Variants in NRXN2 observed in about 807,000 individuals in gnomAD.
NRXN2 encodes neurexin-2-beta.
NRXN2 carries 29 observed loss-of-function variants against 128.8 expected under a neutral mutation model. The ratio of observed to expected loss-of-function variants is 0.23; its 90% CI spans 0.17 to 0.31. The LOEUF (loss-of-function observed/expected upper bound fraction) is 0.31. Ranked by LOEUF, NRXN2 falls within the 10% of genes least tolerant of loss-of-function variation. The probability of loss-of-function intolerance (pLI) is 1.00; values close to 1 mark genes in which losing one functional copy is unlikely to be tolerated. For synonymous variants in NRXN2, 1,098 were observed against 1,075.2 expected (o/e 1.02, Z -0.41); for missense variants, 1,881 against 2,452.6 (o/e 0.77, Z 4.92).
Position 64,606,963 on chromosome 11 carries a change from G to A in NRXN2, c.*233C>T, listed in dbSNP as rs913214239. 9 of 565,652 alleles carry A rather than the reference G, an allele frequency of 1.6e-5. No homozygotes were observed. The highest frequency in any genetic ancestry group is 6.1e-5 in the Admixed American group (2 of 32,802). The allele number at this position is 565,652 out of a possible 1,614,324, so 35.0% of individuals were successfully genotyped here. On this transcript the variant is annotated 3_prime_UTR_variant, in exon 23 of 23. Coordinates refer to ENST00000265459, the MANE Select transcript of NRXN2 (RefSeq NM_015080.4). Reference sequence around the variant, plus strand: ...TGAGCACGTGCCCTGCCTGGCAGGCGCAGAGCTGAGAGGGACAGTCAGCCC... The same window carrying A: ...TGAGCACGTGCCCTGCCTGGCAGGCACAGAGCTGAGAGGGACAGTCAGCCC...
At chr11:64,669,253 A>G (rs1287827225) in intron 7 of NRXN2, among the ~76,000 whole-genome samples, 1 of 152,122 alleles carries the variant, frequency 6.6e-6, no homozygotes, top group African/African-American at 2.4e-5. Context: ...CTGCAGCCCA[A>G]TCTCCAGGTT....
Position 64,661,108 on chromosome 11 carries a change from C to T in NRXN2, c.1830G>A (p.Pro610=), listed in dbSNP as rs144192701. The change falls in exon 10 of 23, where the codon CCG becomes CCA. Residue 610 remains proline (P), a synonymous_variant. Transcript: ENST00000265459. The part of the protein sequence containing the change: ...GSISVNSRST[P]FLATGDSEIL... ...TCTCGCTGTCTCCAGTGGCCAAGAACGGCGTGCTGCGACTATTCACTGAGA... is the reference window on the plus strand; with the variant it reads ...TCTCGCTGTCTCCAGTGGCCAAGAATGGCGTGCTGCGACTATTCACTGAGA... 9.9e-4 allele frequency: 1,603 copies of T among 1,613,570 alleles called. 1 individual carries two copies. Among genetic ancestry groups the T allele is most frequent in the Non-Finnish European group, 1.1e-3 (1,333 of 1,180,014 alleles).
intron 17 of NRXN2, among the ~76,000 whole-genome samples, chr11:64,636,276 TCTC>T (rs1420057301): frequency 2.0e-5 from 3 of 151,738 alleles, no homozygotes; most frequent in African/African-American, 7.3e-5. Context: ...TCTCTCCCCT[TCTC>T]CTTCTCTTCT....
At chr11:64,716,795 G>A (rs1390922278) in intron 1 of NRXN2, among the ~76,000 whole-genome samples, 2 of 152,126 alleles carry the variant, frequency 1.3e-5, no homozygotes, top group African/African-American at 2.4e-5. Context: ...TCTCTCCCCC[G>A]GGATCCACAG....
chr11:64,703,821 TG>T, intron 2 of NRXN2, among the ~76,000 whole-genome samples: 1 of 152,338 alleles, frequency 6.6e-6, no homozygotes, highest in Non-Finnish European at 1.5e-5. Flanking sequence ...GAATAGTGCC[TG>T]GATTGTAAAG....
rs760459518 is a variant in NRXN2, at chr11:64,651,377, G to A, written c.2796C>T (p.Ala932=). 1 of 1,614,216 alleles carries A rather than the reference G, an allele frequency of 6.2e-7. No individual in the cohort carries two copies. The highest frequency in any genetic ancestry group is 8.5e-7 in the Non-Finnish European group (1 of 1,180,026). ...GCATGGAAGCATAGGCTTGGAGCGT[G>A]GCGAGTGCCAGGTAGCTGCTGCGAC... ...FKSRSSYLAL[A]TLQAYASMHL... is the part of the protein sequence containing the mutation. Residue 932 remains alanine, a synonymous_variant, in exon 14 of 23, where the codon GCC becomes GCT. Coordinates refer to ENST00000265459, the MANE Select transcript of NRXN2 (RefSeq NM_015080.4). The surrounding 1 kb of genome is among the most constrained non-coding windows in gnomAD (Gnocchi z 5.9).
At chr11:64,644,631 C>G (rs1156854655) in intron 17 of NRXN2, among the ~76,000 whole-genome samples, 4 of 151,952 alleles carry the variant, frequency 2.6e-5, no homozygotes, top group Non-Finnish European at 5.9e-5. Flanking sequence ...ATGCACCAAC[C>G]TGCTCGGACA....
At chr11:64,706,329 C>A (rs993444448) in intron 2 of NRXN2, among the ~76,000 whole-genome samples, 1 of 146,788 alleles carries the variant, frequency 6.8e-6, no homozygotes, top group Non-Finnish European at 1.5e-5. Context: ...CCACTCCCCC[C>A]ACCCCACAAC....
chr11:64,710,413 G>A (rs773393491), intron 2 of NRXN2, among the ~76,000 whole-genome samples: 9 of 152,020 alleles, frequency 5.9e-5, no homozygotes, highest in Non-Finnish European at 1.2e-4. Flanking sequence ...CACACAACCC[G>A]TATTCAGAAG....
intron 1 of NRXN2, among the ~76,000 whole-genome samples, chr11:64,715,920 C>T (rs1272985227): frequency 5.3e-5 from 8 of 152,300 alleles, no homozygotes; most frequent in Middle Eastern, 3.4e-3. Context: ...GCCTGATTGA[C>T]GCCCTCACCC....
intron 3 of NRXN2, among the ~76,000 whole-genome samples, chr11:64,697,053 G>A (rs1489300725): frequency 6.6e-6 from 1 of 152,118 alleles, no homozygotes; most frequent in East Asian, 1.9e-4. Context: ...TGGAGAGGGA[G>A]AAGAGGCCAA....
At chr11:64,621,610 G>GA (rs2042363278) in intron 21 of NRXN2, among the ~76,000 whole-genome samples, 2 of 152,276 alleles carry the variant, frequency 1.3e-5, no homozygotes, top group African/African-American at 4.8e-5. Flanking sequence ...CTCAGAGGGA[G>GA]AAGCTGAAGA....
At chr11:64,665,605 C>T (rs1223572293) in intron 9 of NRXN2, among the ~76,000 whole-genome samples, 2 of 152,126 alleles carry the variant, frequency 1.3e-5, no homozygotes, top group African/African-American at 2.4e-5. Context: ...GGCAACACTT[C>T]GAGGATGGAA....
rs1057271141 is a variant in NRXN2 at position 64,631,163 on chromosome 11, G to A, written c.3586-590C>T. On this transcript the variant is annotated intron_variant, in intron 18 of 22. Coordinates refer to ENST00000265459, the MANE Select transcript of NRXN2 (RefSeq NM_015080.4). This position sits in a 1 kb window ranked among gnomAD's most constrained non-coding sequence, Gnocchi z 4.8. ...AAGTAGGTCAGGCTCTGAGTGTGGG[G>A]GTGGACCCTCTGCAGCCATGGGGGT... is the stretch of plus-strand genomic sequence containing the variant. Among the ~76,000 whole-genome samples the A allele has an allele frequency of 7.9e-5, 12 of 152,180 alleles. No homozygotes were observed. Among genetic ancestry groups the A allele is most frequent in the African/African-American group, 2.7e-4 (11 of 41,436 alleles).
chr11:64,702,651 A>T (rs528408902), intron 2 of NRXN2, among the ~76,000 whole-genome samples: 1 of 151,884 alleles, frequency 6.6e-6, no homozygotes, highest in Non-Finnish European at 1.5e-5. Context: ...GTACCCAGGG[A>T]CACAAACACT....
chr11:64,635,363 G>A lies in NRXN2; in HGVS notation c.3493C>T (p.Leu1165=). 2 of 1,613,670 alleles carry A rather than the reference G, an allele frequency of 1.2e-6. No individual in the cohort carries two copies. The highest frequency in any genetic ancestry group is 1.7e-6 in the Non-Finnish European group (2 of 1,180,022). Residue 1165 remains leucine (L), a synonymous_variant, in exon 18 of 23, where the codon CTG becomes TTG. Transcript: ENST00000265459. This position sits in a 1 kb window ranked among gnomAD's most constrained non-coding sequence, Gnocchi z 4.8. ...TGGTGGGTGCTGAAGCCCACGGCCA[G>A]GCGATCCATCCTCGTGCTGGGCCTG... ...NDRPSTRMDR[L]AVGFSTHQRS...
At chr11:64,656,271 C>G (rs1344362752) in intron 11 of NRXN2, among the ~76,000 whole-genome samples, 2 of 152,190 alleles carry the variant, frequency 1.3e-5, no homozygotes, top group Non-Finnish European at 2.9e-5. Flanking sequence ...AGGCAATGTA[C>G]CCTCCCATGG....
chr11:64,708,772 A>T (rs542337273), intron 2 of NRXN2, among the ~76,000 whole-genome samples: 1 of 152,344 alleles, frequency 6.6e-6, no homozygotes, highest in South Asian at 2.1e-4. Context: ...CACAATGGCA[A>T]ATATAATATC....
At chr11:64,693,643 G>C (rs1364390337) in intron 3 of NRXN2, among the ~76,000 whole-genome samples, 1 of 152,186 alleles carries the variant, frequency 6.6e-6, no homozygotes, top group African/African-American at 2.4e-5. Context: ...AATAACCTCT[G>C]TAGGGGTAGT....
Sources: allele counts gnomAD v4.1 joint callset (sites outside exome capture counted in the v4.1 genomes callset), GRCh38; gene constraint gnomAD v4.1.1; non-coding constraint Gnocchi (gnomAD v3.1); transcripts MANE v1.5; gene names NCBI Gene and HGNC (gene_info 2026-07-23, HGNC 2026-07-21).